The following MRS2 variants were observed in gnomAD, a reference collection of about 807,000 sequenced individuals.
MRS2 encodes magnesium transporter MRS2 homolog, mitochondrial.
A neutral mutation model predicts 52.6 loss-of-function variants in MRS2; 40 were observed. That is an observed-to-expected ratio of 0.76 (90% CI 0.59 to 0.99). The LOEUF (loss-of-function observed/expected upper bound fraction) is 0.99. Among genes scored for constraint, MRS2 ranks in the 50% least tolerant of loss-of-function variants. The pLI, the probability that MRS2 is intolerant of heterozygous loss-of-function variation, is 0.00. For missense variants in MRS2, 472 were observed against 532.7 expected (o/e 0.89, Z 1.12); for synonymous variants, 193 against 195.9 (o/e 0.98, Z 0.13).
At chr6:24,411,579 G>A (rs779107687) in intron 4 of MRS2, among the ~76,000 whole-genome samples, 3 of 151,874 alleles carry the variant, frequency 2.0e-5, no homozygotes, top group South Asian at 2.1e-4. Flanking sequence ...TCGCTCTGTC[G>A]CCAGGCTGGA....
At chr6:24,418,276 A>G (rs770750604) in intron 8 of MRS2, 40 bp downstream of exon 8, 26 of 1,490,008 alleles carry the variant, frequency 1.7e-5, no homozygotes, top group Non-Finnish European at 2.0e-5. Context: ...TTTTAATAAA[A>G]TAATTATAAG....
At position 24,408,484 on chromosome 6, in the gene MRS2, A is replaced by G. The variant is rs183834383; in HGVS notation, c.301+40A>G. 316 of 1,340,266 alleles carry G rather than the reference A, an allele frequency of 2.4e-4. No individual in the cohort carries two copies. The African/African-American group carries it at 3.2e-3, about 14-fold the overall frequency. 83.0% of individuals were successfully genotyped at this position (1,340,266 alleles called of 1,614,324 possible). The stretch of plus-strand genomic sequence containing the variant: ...TTCTAAATCATTTTTTAAACATTTA[A>G]TGAGTGAATCTGATAGAAATCAAGA... On this transcript the variant is annotated intron_variant, in intron 3 of 10. Transcript: ENST00000378386.
intron 3 of MRS2, among the ~76,000 whole-genome samples, chr6:24,408,863 G>T (rs1049424479): frequency 6.6e-6 from 1 of 152,216 alleles, no homozygotes; most frequent in African/African-American, 2.4e-5. Context: ...GATGAACAGG[G>T]CCATGTCACT....
chr6:24,404,589 C>A (rs933949704), intron 1 of MRS2, among the ~76,000 whole-genome samples: 2 of 152,102 alleles, frequency 1.3e-5, no homozygotes, highest in African/African-American at 4.8e-5. Context: ...TCAGTCTAAT[C>A]ACGTTTTAAA....
At chr6:24,412,549 A>C (rs1761703018) in intron 5 of MRS2, among the ~76,000 whole-genome samples, 154 bp downstream of exon 5, 1 of 152,196 alleles carries the variant, frequency 6.6e-6, no homozygotes. Context: ...TGGAGATATC[A>C]CTTAATTCTT....
In MRS2 at chr6:24,403,073, C is replaced by T. The variant is rs1285320305; in HGVS notation, c.27C>T (p.Cys9=). The T allele has an allele frequency of 1.1e-5, 17 of 1,610,536 alleles. No individual in the cohort carries two copies. The highest frequency in any genetic ancestry group is 1.4e-5 in the Non-Finnish European group (16 of 1,179,038). ...TGGAATGCCTGCGCAGTTTACCCTG[C>T]CTCCTGCCCCGCGCGATGAGACTTC... MECLRSLP[C]LLPRAMRLPR... is the part of the protein sequence containing the mutation. Residue 9 remains cysteine, a synonymous_variant, in exon 1 of 11, where the codon TGC becomes TGT. Coordinates refer to ENST00000378386, the MANE Select transcript of MRS2 (RefSeq NM_020662.4).
rs540605846 is a variant in MRS2 at position 24,425,978 on chromosome 6, A to G, written c.*2284A>G. 1 of 152,346 alleles carries G rather than the reference A, an allele frequency of 6.6e-6. No individual in the cohort carries two copies. Among genetic ancestry groups the G allele is most frequent in the South Asian group, 2.1e-4 (1 of 4,826 alleles). The allele number at this position is 152,346 out of a possible 1,614,324, so 9.4% of individuals were successfully genotyped here. ...CTACAGAGGTGAGCTAATGGATGGT[A>G]CATGGAGTAGGGACTGCAGAGACCC... On this transcript the variant is annotated 3_prime_UTR_variant, in exon 11 of 11. Transcript: ENST00000378386.
chr6:24,418,052 A>C, intron 7 of MRS2, 32 bp from the exon 8 acceptor site: 1 of 1,589,700 alleles, frequency 6.3e-7, no homozygotes. Flanking sequence ...ACATGTTGGG[A>C]GTATGTTAAT....
At chr6:24,405,620 G>A (rs1283242993) in intron 2 of MRS2, among the ~76,000 whole-genome samples, 1 of 151,820 alleles carries the variant, frequency 6.6e-6, no homozygotes, top group East Asian at 1.9e-4. Context: ...AAATGGTTCG[G>A]GGGTGGGGAT....
intron 6 of MRS2, 26 bp downstream of exon 6, chr6:24,415,189 G>T: frequency 6.7e-7 from 1 of 1,499,530 alleles, no homozygotes; most frequent in South Asian, 1.4e-5. Flanking sequence ...GTATCACATT[G>T]GGAGTTGGAG....
chr6:24,406,369 CA>C (rs1363837038), intron 2 of MRS2, among the ~76,000 whole-genome samples: 1 of 151,854 alleles, frequency 6.6e-6, no homozygotes, highest in Non-Finnish European at 1.5e-5. Flanking sequence ...GGCTTGTTAA[CA>C]TAAGAGCTTT....
At chr6:24,406,138 GCCAGACTT>G (rs1761468345) in intron 2 of MRS2, among the ~76,000 whole-genome samples, 3 of 150,080 alleles carry the variant, frequency 2.0e-5, no homozygotes, top group African/African-American at 7.3e-5. Context: ...CCTATTCTGA[GCCAGACTT>G]CCTAAATTCC....
At position 24,418,470 on chromosome 6, in the gene MRS2, C is replaced by T. The variant is rs556417356; in HGVS notation, c.999C>T (p.Asn333=). The T allele has an allele frequency of 3.8e-5, 61 of 1,613,782 alleles. No homozygotes were observed. The highest frequency in any genetic ancestry group is 1.6e-4 in the Middle Eastern group (1 of 6,084). Residue 333 remains asparagine, a synonymous_variant, in exon 9 of 11, where the codon AAC becomes AAT. Coordinates refer to ENST00000378386, the MANE Select transcript of MRS2 (RefSeq NM_020662.4). ...GTGTTCTCCTCTCCAGCCACCGAAA[C>T]GTGATGATGAGGTTGAATCTACAGC... is the stretch of plus-strand genomic sequence containing the variant. ...IIFINLDSHR[N]VMMRLNLQLT...
chr6:24,410,763 C>G, intron 4 of MRS2: 1 of 1,531,272 alleles, frequency 6.5e-7, no homozygotes, highest in Non-Finnish European at 8.7e-7. Context: ...AGCTAGCATT[C>G]TTCAAAACAG....
At chr6:24,409,693 C>T (rs1465537587) in intron 4 of MRS2, 120 bp downstream of exon 4, 4 of 614,402 alleles carry the variant, frequency 6.5e-6, no homozygotes, top group Admixed American at 3.3e-5. Flanking sequence ...CTACCTGAAA[C>T]ATAGGATGTT....
chr6:24,416,360 A>T, intron 6 of MRS2, 37 bp from the exon 7 acceptor site: 1 of 844,048 alleles, frequency 1.2e-6, no homozygotes, highest in Non-Finnish European at 2.0e-6. Flanking sequence ...TTATAAGTTT[A>T]TTCTATTGAT....
intron 1 of MRS2, among the ~76,000 whole-genome samples, chr6:24,404,177 G>T (rs1321818): frequency 0.022 from 3,395 of 152,288 alleles, 131 homozygotes; most frequent in African/African-American, 0.076. Context: ...GAGAGGCTAA[G>T]TTGGGTTACA....
In MRS2 at chr6:24,406,785, T is replaced by A. The variant is rs138114842; in HGVS notation, c.264+1544T>A. On this transcript the variant is annotated intron_variant, in intron 2 of 10. Transcript: ENST00000378386. Reference sequence around the variant, plus strand: ...GCAAGACTCTGTCTCAAAAAAAGAATACAAAGTCAAACGTGAAATACTGAA... The same window carrying A: ...GCAAGACTCTGTCTCAAAAAAAGAAAACAAAGTCAAACGTGAAATACTGAA... Among the ~76,000 whole-genome samples, 950 of 152,138 alleles carry A rather than the reference T, an allele frequency of 6.2e-3. 4 individuals are homozygous for A. The highest frequency in any genetic ancestry group is 8.2e-3 in the Non-Finnish European group (555 of 67,988).
chr6:24,422,939 C>T lies in MRS2; in HGVS notation c.1110C>T (p.Asp370=). 2 of 1,609,802 alleles carry T rather than the reference C, an allele frequency of 1.2e-6. No individual in the cohort carries two copies. Among genetic ancestry groups the T allele is most frequent in the Admixed American group, 1.7e-5 (1 of 59,870 alleles). ...AAATGAACTGTGTTCTCTTTTAGGA[C>T]CATAGAATTTTTTGGCTGATTACAG... ...GMNLESSLEE[D]HRIFWLITGI... Residue 370 remains aspartate (D), a splice_region_variant and synonymous_variant, in exon 10 of 11, where the codon GAC becomes GAT. Transcript: ENST00000378386.
Sources: allele counts gnomAD v4.1 joint callset (sites outside exome capture counted in the v4.1 genomes callset), GRCh38; gene constraint gnomAD v4.1.1; transcripts MANE v1.5; gene names NCBI Gene and HGNC (gene_info 2026-07-23, HGNC 2026-07-21).